Variants in TAPT1 observed in about 807,000 individuals in gnomAD.
TAPT1 encodes transmembrane anterior posterior transformation 1.
In TAPT1, 28 loss-of-function variants were observed where a neutral mutation model predicts 65.6. That is an observed-to-expected ratio of 0.43 (90% CI 0.32 to 0.59). The LOEUF is 0.59. TAPT1 is among the 20% of genes least tolerant of loss of function. TAPT1 has a pLI of 0.09. For synonymous variants in TAPT1, 278 were observed against 245.2 expected, an observed-to-expected ratio of 1.13 and a Z score of -1.25; for missense variants, 563 against 679.9, an observed-to-expected ratio of 0.83 and a Z score of 1.91.
chr4:16,174,653 C>A lies in TAPT1; in HGVS notation c.1167+17G>T. ...TGCCTTTGTTAATTTCAGACTACGC[C>A]CTTGATAAATGCTCACATTTTTCTG... On this transcript the variant is annotated intron_variant, in intron 10 of 13. Transcript: ENST00000405303. 6.3e-7 allele frequency: 1 copy of A among 1,578,208 alleles called. No homozygotes were observed. Among genetic ancestry groups the A allele is most frequent in the Non-Finnish European group, 8.6e-7 (1 of 1,160,960 alleles).
At chr4:16,225,026 A>G (rs751319658) in intron 1 of TAPT1, among the ~76,000 whole-genome samples, 2 of 152,240 alleles carry the variant, frequency 1.3e-5, no homozygotes, top group African/African-American at 4.8e-5. Flanking sequence ...GAGATTTGCT[A>G]TTTTGTCTTA....
intron 1 of TAPT1, among the ~76,000 whole-genome samples, chr4:16,218,517 T>C (rs1049045709): frequency 1.3e-5 from 2 of 152,242 alleles, no homozygotes; most frequent in African/African-American, 2.4e-5. Flanking sequence ...CAGAAGAGCA[T>C]GGGATTAGCA....
chr4:16,174,490 A>ATTT (rs1748203151), intron 10 of TAPT1, 180 bp downstream of exon 10: 2 of 675,174 alleles, frequency 3.0e-6, no homozygotes, highest in Non-Finnish European at 5.0e-6. Context: ...ATACTACTTA[A>ATTT]TGTTAAGTAT....
intron 5 of TAPT1, among the ~76,000 whole-genome samples, chr4:16,187,233 A>G (rs1749073123): frequency 6.6e-6 from 1 of 152,200 alleles, no homozygotes; most frequent in Admixed American, 6.5e-5. Flanking sequence ...AATTATGGTA[A>G]ATACTGAAAG....
intron 13 of TAPT1, among the ~76,000 whole-genome samples, chr4:16,165,549 G>A (rs1311664325): frequency 1.4e-5 from 2 of 145,374 alleles, no homozygotes; most frequent in Non-Finnish European, 3.0e-5. Context: ...CAGCCTGGGC[G>A]ACGGAGCAAA....
intron 4 of TAPT1, chr4:16,190,055 G>A: frequency 6.6e-6 from 1 of 152,386 alleles, no homozygotes; most frequent in Non-Finnish European, 1.5e-5. Flanking sequence ...ACTTGGTGGG[G>A]CAAAGTGTAC....
intron 9 of TAPT1, among the ~76,000 whole-genome samples, chr4:16,175,422 CATTTT>C (rs569431800): frequency 2.0e-5 from 3 of 152,078 alleles, no homozygotes; most frequent in Non-Finnish European, 4.4e-5. Context: ...GTTGCAACTG[CATTTT>C]ATTTTAAATA....
intron 13 of TAPT1, 114 bp from the exon 14 acceptor site, chr4:16,163,651 A>G (rs924950623): frequency 1.6e-5 from 12 of 739,614 alleles, no homozygotes; most frequent in Non-Finnish European, 6.7e-6. Context: ...ATGCTTTCCG[A>G]TAAAGCAAAT....
At position 16,160,979 on chromosome 4, in the gene TAPT1, A is replaced by C. The variant is rs1343826037; in HGVS notation, c.*2329T>G. ...AGGGTCTGGCCTATCCTGTGCCTTCATTAGATTTTTTTAAAACCAAAGCAC... is the reference window on the plus strand; with the variant it reads ...AGGGTCTGGCCTATCCTGTGCCTTCCTTAGATTTTTTTAAAACCAAAGCAC... On this transcript the variant is annotated 3_prime_UTR_variant, in exon 14 of 14. Coordinates refer to ENST00000405303, the MANE Select transcript of TAPT1 (RefSeq NM_153365.3). The C allele has an allele frequency of 2.0e-5, 3 of 152,682 alleles. No individual in the cohort carries two copies. The highest frequency in any genetic ancestry group is 4.4e-5 in the Non-Finnish European group (3 of 68,040). 9.5% of individuals were successfully genotyped at this position (152,682 alleles called of 1,614,324 possible). A position where few individuals can be genotyped will look rare whatever the true frequency, so the allele number is the denominator to read the frequency against.
chr4:16,163,000 C>A lies in TAPT1; in HGVS notation c.*308G>T, dbSNP rs755512723. 4 of 492,206 alleles carry A rather than the reference C, an allele frequency of 8.1e-6. No homozygotes were observed. Among genetic ancestry groups the A allele is most frequent in the Non-Finnish European group, 1.6e-5 (4 of 250,978 alleles). 30.5% of individuals were successfully genotyped at this position (492,206 alleles called of 1,614,324 possible). A position where few individuals can be genotyped will look rare whatever the true frequency, so the allele number is the denominator to read the frequency against. ...TCAACATTCTGGAAGCCCAGACTGA[C>A]AAAGCAAAACAGATTTTGATGTTGC... On this transcript the variant is annotated 3_prime_UTR_variant, in exon 14 of 14. Coordinates refer to ENST00000405303, the MANE Select transcript of TAPT1 (RefSeq NM_153365.3).
Position 16,163,179 on chromosome 4 carries a change from A to G in TAPT1, c.*129T>C. ...ATATTACTGGAAGAAAGATACTAAG[A>G]TTTGCTTGCCAATAATAATTTAAGT... On this transcript the variant is annotated 3_prime_UTR_variant, in exon 14 of 14. Coordinates refer to ENST00000405303, the MANE Select transcript of TAPT1 (RefSeq NM_153365.3). 6 of 739,196 alleles carry G rather than the reference A, an allele frequency of 8.1e-6. No individual in the cohort carries two copies. Among genetic ancestry groups the G allele is most frequent in the Non-Finnish European group, 1.4e-5 (6 of 436,270 alleles). The allele number at this position is 739,196 out of a possible 1,614,324, so 45.8% of individuals were successfully genotyped here. A position where few individuals can be genotyped will look rare whatever the true frequency, so the allele number is the denominator to read the frequency against.
intron 1 of TAPT1, among the ~76,000 whole-genome samples, chr4:16,215,429 T>C (rs1380217222): frequency 6.6e-6 from 1 of 152,160 alleles, no homozygotes; most frequent in Non-Finnish European, 1.5e-5. Context: ...TCCTGGTTCT[T>C]TGAGTATTAT....
intron 8 of TAPT1, chr4:16,176,451 G>A (rs559179371): frequency 2.0e-4 from 59 of 295,088 alleles, no homozygotes; most frequent in African/African-American, 1.2e-3. Context: ...AGTGGCTCAC[G>A]CCTGTAATCC....
intron 13 of TAPT1, among the ~76,000 whole-genome samples, chr4:16,164,754 G>A (rs997828397): frequency 2.0e-5 from 3 of 152,090 alleles, no homozygotes; most frequent in East Asian, 1.9e-4. Context: ...ACTAATATGC[G>A]TAACAAGAGA....
At chr4:16,213,929 A>T (rs1342196278) in intron 1 of TAPT1, 31 bp from the exon 2 acceptor site, 11 of 1,574,060 alleles carry the variant, frequency 7.0e-6, no homozygotes, top group Non-Finnish European at 8.6e-6. Flanking sequence ...GAAAACAAAA[A>T]GAACAGTATT....
At chr4:16,167,631 C>G (rs1747728084) in intron 12 of TAPT1, among the ~76,000 whole-genome samples, 1 of 152,172 alleles carries the variant, frequency 6.6e-6, no homozygotes, top group African/African-American at 2.4e-5. Flanking sequence ...CTGCTTAGAA[C>G]CTGTGTGCAC....
chr4:16,204,055 G>A (rs1393107897), intron 2 of TAPT1, among the ~76,000 whole-genome samples: 1 of 152,210 alleles, frequency 6.6e-6, no homozygotes, highest in Admixed American at 6.5e-5. Context: ...CAGTACAGCA[G>A]GAGGCTGAGC....
At chr4:16,166,927 C>A in intron 12 of TAPT1, 134 bp from the exon 13 acceptor site, 2 of 772,674 alleles carry the variant, frequency 2.6e-6, no homozygotes, top group Non-Finnish European at 1.9e-6. Context: ...GAGGAACTTA[C>A]ACAAATCTTG....
In TAPT1 at chr4:16,226,362, C is replaced by T; in HGVS notation, c.96G>A (p.Pro32=). ...QRDGRGEAEQ[P]GGSGGQGPPP... ...GGGGCCCCTGTCCGCCGCTGCCGCC[C>T]GGCTGCTCCGCCTCGCCGCGGCCGT... Residue 32 remains proline (P), a synonymous_variant, in exon 1 of 14, where the codon CCG becomes CCA. Transcript: ENST00000405303. 1.8e-6 allele frequency: 2 copies of T among 1,110,814 alleles called. No individual in the cohort carries two copies. Among genetic ancestry groups the T allele is most frequent in the East Asian group, 5.0e-5 (1 of 19,890 alleles). The allele number at this position is 1,110,814 out of a possible 1,614,324, so 68.8% of individuals were successfully genotyped here. A position where few individuals can be genotyped will look rare whatever the true frequency, so the allele number is the denominator to read the frequency against.
Sources: gnomAD v4.1 joint callset for allele counts (sites outside exome capture counted in the v4.1 genomes callset) on GRCh38, gnomAD v4.1.1 for gene constraint, MANE v1.5 for transcripts, NCBI Gene and HGNC (gene_info 2026-07-23, HGNC 2026-07-21) for gene names.